Variants in TNFRSF10D observed in about 807,000 individuals in gnomAD.
TNFRSF10D encodes the protein tumor necrosis factor receptor superfamily member 10D.
A neutral mutation model predicts 42.1 loss-of-function variants in TNFRSF10D; 28 were observed. That is an observed-to-expected ratio of 0.66 (90% CI 0.49 to 0.91). The LOEUF (loss-of-function observed/expected upper bound fraction) is 0.91. Among genes scored for constraint, TNFRSF10D ranks in the 40% least tolerant of loss-of-function variants. The pLI is 0.00. For missense variants in TNFRSF10D, 503 were observed against 486.1 expected (o/e 1.03, Z -0.33); for synonymous variants, 186 against 189.4 (o/e 0.98, Z 0.15).
chr8:23,146,743 C>A (rs59950769), intron 4 of TNFRSF10D, among the ~76,000 whole-genome samples: 3 of 151,100 alleles, frequency 2.0e-5, no homozygotes, highest in African/African-American at 7.3e-5. Context: ...AAAGGGACTC[C>A]TGCTGGGGAG....
intron 7 of TNFRSF10D, among the ~76,000 whole-genome samples, chr8:23,140,370 CAACA>C (rs1814439677): frequency 9.8e-6 from 1 of 102,126 alleles, no homozygotes; most frequent in African/African-American, 4.1e-5. Flanking sequence ...ATCCCATTTA[CAACA>C]GACACACACA....
At chr8:23,154,848 A>G (rs1563361513) in intron 2 of TNFRSF10D, 26 bp downstream of exon 2, 2 of 1,585,074 alleles carry the variant, frequency 1.3e-6, no homozygotes, top group Non-Finnish European at 1.7e-6. Flanking sequence ...CTAAAAATAA[A>G]CTGATTTTTA....
intron 2 of TNFRSF10D, among the ~76,000 whole-genome samples, chr8:23,151,396 A>G (rs1800211130): frequency 6.6e-6 from 1 of 152,014 alleles, no homozygotes. Flanking sequence ...TTGCCTTACA[A>G]GAAATGTTAA....
intron 2 of TNFRSF10D, among the ~76,000 whole-genome samples, chr8:23,150,747 A>C (rs903091968): frequency 1.3e-5 from 2 of 152,208 alleles, no homozygotes; most frequent in Non-Finnish European, 2.9e-5. Flanking sequence ...ATTAACAACA[A>C]CACAATATCT....
intron 2 of TNFRSF10D, among the ~76,000 whole-genome samples, chr8:23,150,631 G>A (rs1800201448): frequency 6.6e-6 from 1 of 152,184 alleles, no homozygotes; most frequent in Non-Finnish European, 1.5e-5. Flanking sequence ...AGCTACTAGA[G>A]AATATGGATA....
At position 23,152,260 on chromosome 8, in the gene TNFRSF10D, A is replaced by C. The variant is rs1024263462; in HGVS notation, c.256+2614T>G. Among the ~76,000 whole-genome samples, 6 of 152,222 alleles carry C rather than the reference A, an allele frequency of 3.9e-5. No homozygotes were observed. The East Asian group carries it at 7.7e-4, about 20-fold the overall frequency. On this transcript the variant is annotated intron_variant, in intron 2 of 8. Transcript: ENST00000312584. ...GACTCCAGAGAGAAGAGGATAGCAC[A>C]CTTTGCAGCACTTACGGGAAGTGGG...
chr8:23,154,268 G>T (rs1403925927), intron 2 of TNFRSF10D, among the ~76,000 whole-genome samples: 2 of 152,176 alleles, frequency 1.3e-5, no homozygotes, highest in African/African-American at 4.8e-5. Flanking sequence ...CAGTTAGACA[G>T]GGGGAAATAA....
chr8:23,150,426 T>C (rs1487835236), intron 2 of TNFRSF10D, among the ~76,000 whole-genome samples: 4 of 152,216 alleles, frequency 2.6e-5, no homozygotes, highest in African/African-American at 7.2e-5. Context: ...ACAAAGCCAG[T>C]CTGTAAATAC....
In TNFRSF10D at chr8:23,163,888, T is replaced by G. The variant is rs779078884; in HGVS notation, c.48A>C (p.Ala16=). Reference sequence around the variant, plus strand: ...CTGTCCTGGCTCCTGGATAGCGCCCTGCTCGAGCGCTCGAGGCGGTCGGGA... The same window carrying G: ...CTGTCCTGGCTCCTGGATAGCGCCCGGCTCGAGCGCTCGAGGCGGTCGGGA... ...QSVPTASSAR[A]GRYPGARTAS... is the part of the protein sequence containing the mutation. Residue 16 remains alanine (A), a synonymous_variant, in exon 1 of 9, where the codon GCA becomes GCC. Coordinates refer to ENST00000312584, the MANE Select transcript of TNFRSF10D (RefSeq NM_003840.5). The G allele has an allele frequency of 6.3e-7, 1 of 1,595,370 alleles. No individual in the cohort carries two copies. Among genetic ancestry groups the G allele is most frequent in the Non-Finnish European group, 8.5e-7 (1 of 1,173,038 alleles).
In TNFRSF10D at chr8:23,137,849, T is replaced by C; in HGVS notation, c.*21A>G. 1.2e-6 allele frequency: 2 copies of C among 1,604,718 alleles called. No individual in the cohort carries two copies. The highest frequency in any genetic ancestry group is 1.7e-6 in the Non-Finnish European group (2 of 1,176,722). On this transcript the variant is annotated 3_prime_UTR_variant, in exon 9 of 9. Transcript: ENST00000312584. ...GAGAAAAGGTAAATGAGGGAAGCTC[T>C]GGTTTCCTGAAGAGATTCTTTCACA...
Position 23,146,942 on chromosome 8 carries a change from C to G in TNFRSF10D, c.482+19G>C. 6.2e-7 allele frequency: 1 copy of G among 1,600,034 alleles called. No homozygotes were observed. Among genetic ancestry groups the G allele is most frequent in the Non-Finnish European group, 8.6e-7 (1 of 1,167,336 alleles). On this transcript the variant is annotated intron_variant, in intron 4 of 8. Coordinates refer to ENST00000312584, the MANE Select transcript of TNFRSF10D (RefSeq NM_003840.5). The stretch of plus-strand genomic sequence containing the variant: ...TCAGGTTCCTGAAAGCTGTTGGGAG[C>G]CCCTGGCTGCTGTCTTACCCTGTTC...
At chr8:23,141,613 C>A (rs1800021110) in intron 7 of TNFRSF10D, among the ~76,000 whole-genome samples, 1 of 151,734 alleles carries the variant, frequency 6.6e-6, no homozygotes. Context: ...CCATATGCAA[C>A]TTAAATGAAC....
Position 23,148,515 on chromosome 8 carries a change from G to C in TNFRSF10D, c.293C>G (p.Pro98Arg), listed in dbSNP as rs140280307. ...GGTGTAATCCACACCCTCTGTGCAC[G>C]GGTTACAGGCTCCAGTATATTCTGA... Reference protein sequence around the residue: ...HRSEYTGACNPCTEGVDYTIA... With the variant: ...HRSEYTGACNRCTEGVDYTIA... Residue 98 changes from proline (P) to arginine (R), a missense_variant, in exon 3 of 9, where the codon CCG becomes CGG. By Grantham distance (103) the Pro-to-Arg change is moderately radical (BLOSUM62 -2). Coordinates refer to ENST00000312584, the MANE Select transcript of TNFRSF10D (RefSeq NM_003840.5). The C allele has an allele frequency of 4.6e-4, 734 of 1,610,500 alleles. 2 individuals are homozygous for C. The highest frequency in any genetic ancestry group is 5.2e-4 in the Non-Finnish European group (607 of 1,177,630).
intron 2 of TNFRSF10D, among the ~76,000 whole-genome samples, chr8:23,150,122 C>G (rs1167315228): frequency 6.6e-6 from 1 of 152,146 alleles, no homozygotes; most frequent in Non-Finnish European, 1.5e-5. Flanking sequence ...CACTACAGAC[C>G]CAGGATCCTG....
Position 23,144,514 on chromosome 8 carries a change from C to T in TNFRSF10D, c.890G>A (p.Gly297Asp). The T allele has an allele frequency of 6.2e-7, 1 of 1,614,220 alleles. No homozygotes were observed. Among genetic ancestry groups the T allele is most frequent in the Non-Finnish European group, 8.5e-7 (1 of 1,180,044 alleles). Residue 297 changes from glycine to aspartate, a missense_variant, in exon 7 of 9, where the codon GGT becomes GAT. Gly to Asp is a moderately conservative substitution (Grantham distance 94, BLOSUM62 -1). Coordinates refer to ENST00000312584, the MANE Select transcript of TNFRSF10D (RefSeq NM_003840.5). ...PTQVSEQEIQ[G>D]QELAELTGVT... is the part of the protein sequence containing the mutation. Reference sequence around the variant, plus strand: ...ACCTGTTAGCTCTGCCAGCTCCTGACCTTGGATTTCCTGCTCAGAGACCTG... The same window carrying T: ...ACCTGTTAGCTCTGCCAGCTCCTGATCTTGGATTTCCTGCTCAGAGACCTG...
At chr8:23,151,365 G>A (rs554706926) in intron 2 of TNFRSF10D, among the ~76,000 whole-genome samples, 1 of 151,696 alleles carries the variant, frequency 6.6e-6, no homozygotes, top group African/African-American at 2.4e-5. Flanking sequence ...AAAAACGGGG[G>A]GAGTTCATCT....
intron 1 of TNFRSF10D, among the ~76,000 whole-genome samples, chr8:23,157,866 G>C (rs1800302755): frequency 1.3e-5 from 2 of 152,204 alleles, no homozygotes; most frequent in African/African-American, 4.8e-5. Context: ...GACACCAGCA[G>C]TGTTGGGCGA....
chr8:23,150,044 T>C lies in TNFRSF10D; in HGVS notation c.257-1493A>G, dbSNP rs142699096. On this transcript the variant is annotated intron_variant, in intron 2 of 8. Transcript: ENST00000312584. Reference sequence around the variant, plus strand: ...CAGGAAACAGAAGTCTGGAAACACATAGAGATAAGGGCATGATAAAGGCAT... The same window carrying C: ...CAGGAAACAGAAGTCTGGAAACACACAGAGATAAGGGCATGATAAAGGCAT... Among the ~76,000 whole-genome samples, 19 of 152,212 alleles carry C rather than the reference T, an allele frequency of 1.2e-4. No individual in the cohort carries two copies. The East Asian group carries it at 1.7e-3, about 14-fold the overall frequency.
chr8:23,140,414 A>G (rs1338617884), intron 7 of TNFRSF10D, among the ~76,000 whole-genome samples: 1 of 129,714 alleles, frequency 7.7e-6, no homozygotes, highest in African/African-American at 3.0e-5. Context: ...ACACACACAC[A>G]CACAATACCT....
Sources: allele counts gnomAD v4.1 joint callset (sites outside exome capture counted in the v4.1 genomes callset), GRCh38; gene constraint gnomAD v4.1.1; transcripts MANE v1.5; gene names NCBI Gene and HGNC (gene_info 2026-07-23, HGNC 2026-07-21).